The following TSTD1 variants were observed in gnomAD, a reference collection of about 807,000 sequenced individuals.
TSTD1 encodes the protein thiosulfate sulfurtransferase like domain containing 1.
TSTD1 carries 7 observed loss-of-function variants against 12.6 expected under a neutral mutation model. That is an observed-to-expected ratio of 0.55 (90% confidence interval 0.32 to 1.04). The LOEUF (loss-of-function observed/expected upper bound fraction) is 1.04. TSTD1 is among the 50% of genes least tolerant of loss of function. The probability of loss-of-function intolerance (pLI) is 0.05; values close to 1 mark genes in which losing one functional copy is unlikely to be tolerated. For synonymous variants in TSTD1, 73 were observed against 59.7 expected (o/e 1.22, Z -1.03); for missense variants, 156 against 151.0 (o/e 1.03, Z -0.17).
rs578059928 is a variant in TSTD1, at chr1:161,038,150, T to A, written c.134-75A>T. On this transcript the variant is annotated intron_variant, in intron 2 of 3. Transcript: ENST00000423014. ...GTTCGGAAGCTGGGCCTGGAAGGGC[T>A]GGGTCCTGGGGGCCCCCAAACAACA... 3.0e-5 allele frequency: 45 copies of A among 1,479,070 alleles called. 1 individual carries two copies. In the East Asian group the frequency reaches 1.0e-3, roughly 34 times the overall value. 91.6% of individuals were successfully genotyped at this position (1,479,070 alleles called of 1,614,324 possible).
At chr1:161,038,149 C>T (rs1650304468) in intron 2 of TSTD1, 74 bp from the exon 3 acceptor site, 2 of 1,478,262 alleles carry the variant, frequency 1.4e-6, no homozygotes, top group Admixed American at 4.2e-5. Context: ...CCTGGAAGGG[C>T]TGGGTCCTGG....
At chr1:161,038,460 C>A in intron 2 of TSTD1, 91 bp downstream of exon 2, 2 of 1,402,520 alleles carry the variant, frequency 1.4e-6, no homozygotes, top group Non-Finnish European at 1.9e-6. Context: ...TCAGTGCCTT[C>A]CCCATTCCAT....
Position 161,037,764 on chromosome 1 carries a change from CT to C in TSTD1, c.*10del, listed in dbSNP as rs1244619416. 6.4e-7 allele frequency: 1 copy of C among 1,551,620 alleles called. No homozygotes were observed. Among genetic ancestry groups the C allele is most frequent in the Admixed American group, 2.0e-5 (1 of 50,992 alleles). On this transcript the variant is annotated 3_prime_UTR_variant, in exon 4 of 4. Coordinates refer to ENST00000423014, the MANE Select transcript of TSTD1 (RefSeq NM_001113207.2). ...GGGCCAGGGGGTGGCAATCAGTAAG[CT>C]GCCTCCTGCCTAACTCTCTTTCTCC...
At chr1:161,038,770 G>A in intron 1 of TSTD1, 97 bp from the exon 2 acceptor site, 1 of 1,520,714 alleles carries the variant, frequency 6.6e-7, no homozygotes, top group Non-Finnish European at 8.9e-7. Context: ...CCGGTAGGGT[G>A]TGCACGAAGA....
intron 1 of TSTD1, 98 bp downstream of exon 1, chr1:161,038,780 ACC>A: frequency 6.6e-7 from 1 of 1,517,736 alleles, no homozygotes. Context: ...GTGCACGAAG[ACC>A]CCTCAGCCAC....
At chr1:161,038,356 C>T (rs1414488668) in intron 2 of TSTD1, 195 bp downstream of exon 2, 2 of 744,454 alleles carry the variant, frequency 2.7e-6, no homozygotes, top group African/African-American at 3.5e-5. Context: ...TCTTCTCAAA[C>T]TGGATGGGCC....
At chr1:161,038,224 G>T in intron 2 of TSTD1, 149 bp from the exon 3 acceptor site, 1 of 834,466 alleles carries the variant, frequency 1.2e-6, no homozygotes, top group Non-Finnish European at 1.8e-6. Context: ...AACAGAAACC[G>T]ACAACTTTTG....
rs1265300885 is a variant in TSTD1 at position 161,037,718 on chromosome 1, T to C, written c.*57A>G. 4 of 1,541,998 alleles carry C rather than the reference T, an allele frequency of 2.6e-6. No individual in the cohort carries two copies. The highest frequency in any genetic ancestry group is 3.5e-6 in the Non-Finnish European group (4 of 1,138,460). On this transcript the variant is annotated 3_prime_UTR_variant, in exon 4 of 4. Transcript: ENST00000423014. ...TCACCAAGTCAGCCCGTTCACACCC[T>C]TAGTTAAGGTGGCCATTAAGGGGCC...
rs371538899 is a variant in TSTD1, at chr1:161,038,898, T to C, written c.-9A>G. 9 of 1,550,468 alleles carry C rather than the reference T, an allele frequency of 5.8e-6. No homozygotes were observed. The highest frequency in any genetic ancestry group is 2.4e-5 in the East Asian group (1 of 40,864). On this transcript the variant is annotated 5_prime_UTR_variant, in exon 1 of 4. Transcript: ENST00000423014. ...CAGGTACCTCCAGCCATGGTGCGCGTAGCAACCGCGAGTCTCCGGAGTGCG... is the reference window on the plus strand; with the variant it reads ...CAGGTACCTCCAGCCATGGTGCGCGCAGCAACCGCGAGTCTCCGGAGTGCG...
intron 2 of TSTD1, 47 bp downstream of exon 2, chr1:161,038,504 G>T: frequency 6.7e-7 from 1 of 1,494,758 alleles, no homozygotes; most frequent in Non-Finnish European, 9.0e-7. Context: ...AGAACCTCCT[G>T]AACGGTCTCT....
rs760064496 is a variant in TSTD1 at position 161,038,625 on chromosome 1, C to G, written c.59G>C (p.Arg20Pro). The G allele has an allele frequency of 3.2e-6, 5 of 1,550,740 alleles. No individual in the cohort carries two copies. The East Asian group carries it at 7.3e-5, about 23-fold the overall frequency. ...PELRSLLASG[R>P]ARLFDVRSRE... ...AGAGCGCACGTCGAAGAGCCGGGCCCGTCCGGAGGCTAGGAGTGAACGGAG... is the reference window on the plus strand; with the variant it reads ...AGAGCGCACGTCGAAGAGCCGGGCCGGTCCGGAGGCTAGGAGTGAACGGAG... The change falls in exon 2 of 4, where the codon CGG becomes CCG. Residue 20 changes from arginine (R) to proline (P), a missense_variant. Coordinates refer to ENST00000423014, the MANE Select transcript of TSTD1 (RefSeq NM_001113207.2).
rs1571039789 is a variant in TSTD1 at position 161,038,093 on chromosome 1, G to A, written c.134-18C>T. The stretch of plus-strand genomic sequence containing the variant: ...CTCGGACACTGGAGGAGTGGAGAGG[G>A]TAGAAGGGAAAGCCAGCAATTTGGC... On this transcript the variant is annotated intron_variant, in intron 2 of 3. Coordinates refer to ENST00000423014, the MANE Select transcript of TSTD1 (RefSeq NM_001113207.2). 1 of 1,545,924 alleles carries A rather than the reference G, an allele frequency of 6.5e-7. No homozygotes were observed. The highest frequency in any genetic ancestry group is 2.5e-5 in the East Asian group (1 of 40,810).
chr1:161,038,003 T>G lies in TSTD1; in HGVS notation c.206A>C (p.Lys69Thr). 6.4e-7 allele frequency: 1 copy of G among 1,551,734 alleles called. No individual in the cohort carries two copies. The highest frequency in any genetic ancestry group is 1.2e-5 in the South Asian group (1 of 84,064). ...GAAAACGAGATGCTCATCTTCCAGC[T>G]TTGGCTTCTCAGCAGAATATAAAGC... ...FQALYSAEKP[K>T]LEDEHLVFFC... Residue 69 changes from lysine to threonine, a missense_variant, in exon 3 of 4, where the codon AAG (lysine) becomes ACG (threonine). Lys to Thr is a moderately conservative substitution (Grantham distance 78). Coordinates refer to ENST00000423014, the MANE Select transcript of TSTD1 (RefSeq NM_001113207.2).
intron 2 of TSTD1, 66 bp from the exon 3 acceptor site, chr1:161,038,141 T>G: frequency 6.6e-7 from 1 of 1,504,248 alleles, no homozygotes. Context: ...AAGCTGGGCC[T>G]GGAAGGGCTG....
rs1351408058 is a variant in TSTD1, at chr1:161,038,923, G to C, written c.-34C>G. On this transcript the variant is annotated 5_prime_UTR_variant, in exon 1 of 4. Coordinates refer to ENST00000423014, the MANE Select transcript of TSTD1 (RefSeq NM_001113207.2). ...TAGCAACCGCGAGTCTCCGGAGTGC[G>C]GCCCTGGCCCGCCCTCTCGGCGCCT... The C allele has an allele frequency of 1.3e-6, 2 of 1,548,786 alleles. No homozygotes were observed. Among genetic ancestry groups the C allele is most frequent in the African/African-American group, 1.4e-5 (1 of 73,096 alleles).
intron 2 of TSTD1, 25 bp from the exon 3 acceptor site, chr1:161,038,100 G>A (rs1224332541): frequency 9.1e-6 from 14 of 1,543,178 alleles, no homozygotes; most frequent in South Asian, 1.2e-5. Context: ...AGGGTAGAAG[G>A]GAAAGCCAGC....
Position 161,038,050 on chromosome 1 carries a change from C to G in TSTD1, c.159G>C (p.Gln53His). The G allele has an allele frequency of 6.4e-7, 1 of 1,551,632 alleles. No individual in the cohort carries two copies. The highest frequency in any genetic ancestry group is 8.7e-7 in the Non-Finnish European group (1 of 1,147,016). The stretch of plus-strand genomic sequence containing the variant: ...AAGCCTGGAAGGCAGCTGGCTCCAT[C>G]TGCAGAGCACTCTCCAACTCGGACA... Reference protein sequence around the residue: ...IPVSELESALQMEPAAFQALY... With the variant: ...IPVSELESALHMEPAAFQALY... The change falls in exon 3 of 4, where the codon CAG (glutamine) becomes CAC (histidine). Residue 53 changes from glutamine to histidine, a missense_variant. Transcript: ENST00000423014.
Position 161,037,895 on chromosome 1 carries a change from A to T in TSTD1, c.296+18T>A, listed in dbSNP as rs1325786233. On this transcript the variant is annotated intron_variant, in intron 3 of 3. Transcript: ENST00000423014. ...CAGTCCCCATCACCTCCCAGCTAGC[A>T]GCCACACCTCCCCGTACCCAGTGTA... 1.3e-6 allele frequency: 2 copies of T among 1,551,812 alleles called. No individual in the cohort carries two copies. Among genetic ancestry groups the T allele is most frequent in the Admixed American group, 3.9e-5 (2 of 51,002 alleles).
intron 1 of TSTD1, 28 bp downstream of exon 1, chr1:161,038,852 C>T (rs756192398): frequency 1.3e-6 from 2 of 1,548,762 alleles, no homozygotes; most frequent in East Asian, 2.5e-5. Context: ...CCAAGAGAAC[C>T]GCGGCCCCAG....
Sources: gnomAD v4.1 joint callset for allele counts on GRCh38, gnomAD v4.1.1 for gene constraint, MANE v1.5 for transcripts, NCBI Gene and HGNC (gene_info 2026-07-23, HGNC 2026-07-21) for gene names.